Variants in DMXL2 observed in about 807,000 individuals in gnomAD.
The protein encoded by DMXL2 is Dmx like 2.
In DMXL2, 103 loss-of-function variants were observed where a neutral mutation model predicts 331.1. That is an observed-to-expected ratio of 0.31 (90% CI 0.27 to 0.37). The LOEUF (loss-of-function observed/expected upper bound fraction) is 0.37. Among genes scored for constraint, DMXL2 ranks in the 10% least tolerant of loss-of-function variants. The pLI is 1.00. For synonymous variants in DMXL2, 1,281 were observed against 1,252.1 expected (o/e 1.02, Z -0.49); for missense variants, 3,171 against 3,642.9 (o/e 0.87, Z 3.33).
chr15:51,515,069 A>T lies in DMXL2; in HGVS notation c.2527-510T>A, dbSNP rs967440748. Among the ~76,000 whole-genome samples, 5 of 152,306 alleles carry T rather than the reference A, an allele frequency of 3.3e-5. No individual in the cohort carries two copies. In the East Asian group the frequency reaches 9.6e-4, roughly 29 times the overall value. ...CCAATAGCTCTGTCTAGTGGGAATT[A>T]TGAGGGATCCTATAACAGCCAGCAG... On this transcript the variant is annotated intron_variant, in intron 14 of 43. Transcript: ENST00000560891.
intron 1 of DMXL2, among the ~76,000 whole-genome samples, chr15:51,598,428 C>T (rs971000144): frequency 2.1e-4 from 32 of 152,180 alleles, no homozygotes; most frequent in African/African-American, 7.2e-4. Flanking sequence ...TTATCAAGAT[C>T]GGGCAATGGA....
At chr15:51,541,187 A>G (rs1481054237) in intron 9 of DMXL2, among the ~76,000 whole-genome samples, 1 of 152,180 alleles carries the variant, frequency 6.6e-6, no homozygotes, top group African/African-American at 2.4e-5. Context: ...GCAAAACAAC[A>G]TTTAATCAGA....
rs771294591 is a variant in DMXL2, at chr15:51,464,642, C to T, written c.7808+33G>A. ...ACTGTCTTCCAGAAAAGTTAAGCTACGCTCTTTATCAGCATTATAAGAGCT... is the reference window on the plus strand; with the variant it reads ...ACTGTCTTCCAGAAAAGTTAAGCTATGCTCTTTATCAGCATTATAAGAGCT... On this transcript the variant is annotated intron_variant, in intron 32 of 43. Transcript: ENST00000560891. 183 of 1,578,930 alleles carry T rather than the reference C, an allele frequency of 1.2e-4. 2 individuals are homozygous for T. Among genetic ancestry groups the T allele is most frequent in the South Asian group, 1.1e-3 (99 of 89,066 alleles).
At chr15:51,605,702 C>T (rs2053543132) in intron 1 of DMXL2, among the ~76,000 whole-genome samples, 1 of 99,850 alleles carries the variant, frequency 1.0e-5, no homozygotes, top group Admixed American at 1.1e-4. Context: ...CGCCACCGCG[C>T]CCGGCTAATA....
chr15:51,597,460 T>C (rs2052907127), intron 1 of DMXL2, among the ~76,000 whole-genome samples: 1 of 152,212 alleles, frequency 6.6e-6, no homozygotes, highest in Admixed American at 6.5e-5. Context: ...TCTCTGAACA[T>C]TAGGTCAGAA....
chr15:51,512,542 G>A (rs1416445306), intron 15 of DMXL2, among the ~76,000 whole-genome samples: 1 of 152,184 alleles, frequency 6.6e-6, no homozygotes, highest in African/African-American at 2.4e-5. Flanking sequence ...CAGGCGTAGT[G>A]GCTCACGCCT....
intron 36 of DMXL2, 37 bp from the exon 37 acceptor site, chr15:51,457,503 C>T (rs1415292966): frequency 6.2e-7 from 1 of 1,604,072 alleles, no homozygotes; most frequent in Non-Finnish European, 8.5e-7. Flanking sequence ...TGAACATTCC[C>T]TTTTCTCTTA....
intron 20 of DMXL2, among the ~76,000 whole-genome samples, chr15:51,491,224 TG>T (rs2042771001): frequency 2.0e-5 from 3 of 152,170 alleles, no homozygotes; most frequent in South Asian, 2.1e-4. Flanking sequence ...GCAGATCGCC[TG>T]AGGTCAGGGA....
chr15:51,524,100 CAACA>C (rs2047531224), intron 13 of DMXL2, among the ~76,000 whole-genome samples: 1 of 152,154 alleles, frequency 6.6e-6, no homozygotes, highest in African/African-American at 2.4e-5. Flanking sequence ...AAACAAACTT[CAACA>C]AACTAAAAAG....
intron 22 of DMXL2, among the ~76,000 whole-genome samples, chr15:51,486,699 A>G (rs1452614226): frequency 6.6e-6 from 1 of 152,196 alleles, no homozygotes; most frequent in Non-Finnish European, 1.5e-5. Flanking sequence ...CTGCATAATC[A>G]TAATTATTAC....
In DMXL2 at chr15:51,533,694, T is replaced by C. The variant is rs148497292; in HGVS notation, c.2436+1969A>G. Among the ~76,000 whole-genome samples the C allele has an allele frequency of 9.6e-3, 1,462 of 152,290 alleles. 20 individuals carry two copies. Among genetic ancestry groups the C allele is most frequent in the African/African-American group, 0.034 (1,406 of 41,560 alleles). ...GACTTTCTTCGTTGACTGCAGAAGATAGAAAGACTGTATTTTATTTCAGCA... is the reference window on the plus strand; with the variant it reads ...GACTTTCTTCGTTGACTGCAGAAGACAGAAAGACTGTATTTTATTTCAGCA... On this transcript the variant is annotated intron_variant, in intron 13 of 43. Coordinates refer to ENST00000560891, the MANE Select transcript of DMXL2 (RefSeq NM_001378457.1).
rs79373398 is a variant in DMXL2, at chr15:51,601,346, G to A, written c.87+21113C>T. Among the ~76,000 whole-genome samples, 388 of 150,392 alleles carry A rather than the reference G, an allele frequency of 2.6e-3. 17 individuals carry two copies. The East Asian group carries it at 0.061, about 24-fold the overall frequency. ...GAAATCTTTTGCAACCTCAAGGTTA[G>A]CAATACATTTTCCTCTACATGTATT... On this transcript the variant is annotated intron_variant, in intron 1 of 43. Transcript: ENST00000560891.
chr15:51,483,402 G>GC (rs937533961), intron 23 of DMXL2, among the ~76,000 whole-genome samples: 1 of 152,188 alleles, frequency 6.6e-6, no homozygotes, highest in African/African-American at 2.4e-5. Flanking sequence ...GCTATGCAGA[G>GC]CCTAGGACCA....
Position 51,457,408 on chromosome 15 carries a change from A to C in DMXL2, c.8257T>G (p.Ser2753Ala), listed in dbSNP as rs770629684. The C allele has an allele frequency of 1.4e-5, 23 of 1,614,092 alleles. No homozygotes were observed. The Admixed American group carries it at 3.3e-4, about 23-fold the overall frequency. The stretch of plus-strand genomic sequence containing the variant: ...GGATGCACCTGACTTGCTGAATAGG[A>C]TGTTGCACTGGGTTGATAAAGAGTT... ...TTTLYQPSAT[S>A]YSASQVHPPS... Residue 2753 changes from serine (S) to alanine (A), a missense_variant, in exon 37 of 44, where the codon TCC (serine) becomes GCC (alanine). By Grantham distance (99) the Ser-to-Ala change is moderately conservative. Transcript: ENST00000560891.
At chr15:51,490,855 T>C (rs1483173107) in intron 20 of DMXL2, among the ~76,000 whole-genome samples, 3 of 152,208 alleles carry the variant, frequency 2.0e-5, no homozygotes, top group Non-Finnish European at 4.4e-5. Flanking sequence ...TTTTATCCAA[T>C]GAGATTTCAA....
chr15:51,465,943 T>A (rs1437555907), intron 30 of DMXL2, among the ~76,000 whole-genome samples: 1 of 152,166 alleles, frequency 6.6e-6, no homozygotes, highest in Non-Finnish European at 1.5e-5. Context: ...TATCCATGAG[T>A]TACATATTTT....
At position 51,471,149 on chromosome 15, in the gene DMXL2, T is replaced by C. The variant is rs138287694; in HGVS notation, c.7392+74A>G. On this transcript the variant is annotated intron_variant, in intron 29 of 43. Coordinates refer to ENST00000560891, the MANE Select transcript of DMXL2 (RefSeq NM_001378457.1). ...TCCAAAAGCTACCCCATCATTCCTA[T>C]GTGAGACACATGCAAGAGTTAATAA... The C allele has an allele frequency of 2.5e-4, 352 of 1,398,392 alleles. 1 individual carries two copies. In the East Asian group the frequency reaches 7.8e-3, roughly 31 times the overall value. 86.6% of individuals were successfully genotyped at this position (1,398,392 alleles called of 1,614,324 possible). A position where few individuals can be genotyped will look rare whatever the true frequency, so the allele number is the denominator to read the frequency against.
chr15:51,452,082 G>T (rs2039197713), intron 41 of DMXL2, among the ~76,000 whole-genome samples: 1 of 152,104 alleles, frequency 6.6e-6, no homozygotes, highest in Admixed American at 6.5e-5. Context: ...GAGAATGATG[G>T]GGACAGTGTC....
intron 1 of DMXL2, among the ~76,000 whole-genome samples, chr15:51,605,950 C>A (rs968301778): frequency 6.6e-6 from 1 of 152,178 alleles, no homozygotes; most frequent in Admixed American, 6.5e-5. Flanking sequence ...AAAAGGAGAA[C>A]ATAAGGCTGT....
Sources: allele counts gnomAD v4.1 joint callset (sites outside exome capture counted in the v4.1 genomes callset), GRCh38; gene constraint gnomAD v4.1.1; transcripts MANE v1.5; gene names NCBI Gene and HGNC (gene_info 2026-07-23, HGNC 2026-07-21).